Variants in TRPC5 observed in about 807,000 individuals in gnomAD.
The protein encoded by TRPC5 is transient receptor potential cation channel subfamily C member 5.
TRPC5 carries 9 observed loss-of-function variants against 56.5 expected under a neutral mutation model. The observed-to-expected ratio is 0.16, with a 90% CI of 0.10 to 0.28. TRPC5 has a LOEUF of 0.28. Ranked by LOEUF, TRPC5 falls within the 10% of genes least tolerant of loss-of-function variation. The pLI is 1.00. For missense variants in TRPC5, 469 were observed against 748.9 expected (o/e 0.63, Z 4.36); for synonymous variants, 282 against 278.5 (o/e 1.01, Z -0.13).
At chrX:111,948,673 A>C (rs1482833273) in intron 2 of TRPC5, among the ~76,000 whole-genome samples, 2 of 108,056 alleles carry the variant, frequency 1.9e-5, no homozygotes, top group African/African-American at 6.8e-5. Context: ...CGGAGGTTGC[A>C]GTGAGCCGAG....
chrX:111,876,996 C>T (rs1156415755), intron 3 of TRPC5, among the ~76,000 whole-genome samples: 1 of 111,697 alleles, frequency 9.0e-6, no homozygotes, highest in Non-Finnish European at 1.9e-5. Context: ...TTCTGTAAAA[C>T]TTCAATATTG....
chrX:111,834,909 A>G lies in TRPC5; in HGVS notation c.1896+12T>C, dbSNP rs1194843181. On this transcript the variant is annotated intron_variant, in intron 7 of 10. Transcript: ENST00000262839. ...ACCAAAGTAAGCACGCTTGTAAAGC[A>G]AAGCTACTCACGGCAATAAGCTGAT... The G allele has an allele frequency of 2.5e-6, 3 of 1,183,235 alleles. No individual in the cohort carries two copies. The highest frequency in any genetic ancestry group is 3.4e-6 in the Non-Finnish European group (3 of 878,734).
chrX:111,919,219 C>T (rs1014459771), intron 2 of TRPC5, among the ~76,000 whole-genome samples: 2 of 111,361 alleles, frequency 1.8e-5, no homozygotes, highest in Non-Finnish European at 3.8e-5. Flanking sequence ...ATGCACCAAT[C>T]GGAACTCTGT....
intron 3 of TRPC5, among the ~76,000 whole-genome samples, chrX:111,871,908 G>A (rs1336346822): frequency 8.9e-6 from 1 of 111,866 alleles, no homozygotes; most frequent in Non-Finnish European, 1.9e-5. Context: ...GGCTGTTCTT[G>A]CAGGAGTGAG....
chrX:111,771,885 A>G lies in TRPC5; in HGVS notation c.*4428T>C, dbSNP rs1173374802. ...TCATTTTGGCAATTCCTCACAGCTC[A>G]GGAAATGTCTCATTGAAAAGTTATT... On this transcript the variant is annotated 3_prime_UTR_variant, in exon 11 of 11. Coordinates refer to ENST00000262839, the MANE Select transcript of TRPC5 (RefSeq NM_012471.3). 9.0e-6 allele frequency among the ~76,000 whole-genome samples: 1 copy of G among 110,706 alleles called. No individual in the cohort carries two copies. The highest frequency in any genetic ancestry group is 1.9e-5 in the Non-Finnish European group (1 of 52,957).
intron 1 of TRPC5, among the ~76,000 whole-genome samples, chrX:112,064,891 G>A (rs1466729180): frequency 6.4e-5 from 7 of 110,122 alleles, no homozygotes; most frequent in African/African-American, 1.3e-4. Context: ...TGGCTAACAC[G>A]GTGAAACCCT....
intron 1 of TRPC5, among the ~76,000 whole-genome samples, chrX:111,966,178 C>A (rs753658969): frequency 4.5e-5 from 5 of 111,699 alleles, no homozygotes; most frequent in African/African-American, 1.6e-4. Context: ...ATACAAACTA[C>A]CATCAGAGAA....
Position 111,835,070 on chromosome X carries a change from A to G in TRPC5, c.1747T>C (p.Leu583=). The change falls in exon 7 of 11, where the codon TTA becomes CTA. Residue 583 remains leucine (L), a synonymous_variant. Coordinates refer to ENST00000262839, the MANE Select transcript of TRPC5 (RefSeq NM_012471.3). ...QSLFWSVFGL[L]NLYVTNVKAR... Reference sequence around the variant, plus strand: ...TTCACATTGGTGACATATAGATTTAAAAGGCCAAATACAGACCAGAAGAGT... The same window carrying G: ...TTCACATTGGTGACATATAGATTTAGAAGGCCAAATACAGACCAGAAGAGT... The G allele has an allele frequency of 2.5e-6, 3 of 1,211,929 alleles. No homozygotes were observed. Among genetic ancestry groups the G allele is most frequent in the Non-Finnish European group, 3.4e-6 (3 of 895,487 alleles).
intron 7 of TRPC5, among the ~76,000 whole-genome samples, chrX:111,813,079 A>G (rs1342322822): frequency 9.0e-6 from 1 of 111,685 alleles, no homozygotes; most frequent in Non-Finnish European, 1.9e-5. Flanking sequence ...GCCCTTTTCT[A>G]CTATCTGTCC....
intron 7 of TRPC5, among the ~76,000 whole-genome samples, chrX:111,810,995 T>C (rs1351973455): frequency 2.7e-5 from 3 of 112,142 alleles, no homozygotes; most frequent in Non-Finnish European, 5.6e-5. Flanking sequence ...AAAAATTATA[T>C]AACATTACAA....
At chrX:112,036,912 A>G (rs1005046598) in intron 1 of TRPC5, among the ~76,000 whole-genome samples, 2 of 111,067 alleles carry the variant, frequency 1.8e-5, no homozygotes, top group Non-Finnish European at 3.8e-5. Flanking sequence ...ACCCTTGCTT[A>G]GAGTTAGAGG....
intron 1 of TRPC5, among the ~76,000 whole-genome samples, chrX:112,044,929 C>T (rs116656647): frequency 2.3e-3 from 253 of 112,137 alleles, no homozygotes; most frequent in African/African-American, 7.9e-3. Flanking sequence ...GATTCTTGTC[C>T]CATCTGTGCC....
intron 3 of TRPC5, among the ~76,000 whole-genome samples, chrX:111,906,520 C>T (rs1319731352): frequency 9.0e-6 from 1 of 111,391 alleles, no homozygotes; most frequent in Non-Finnish European, 1.9e-5. Flanking sequence ...ACTATAACTT[C>T]GAAGTTTTTA....
intron 1 of TRPC5, among the ~76,000 whole-genome samples, chrX:111,963,918 TCTC>T (rs983872764): frequency 7.2e-5 from 8 of 111,167 alleles, no homozygotes; most frequent in African/African-American, 2.6e-4. Context: ...CCAGAGCACC[TCTC>T]CTCCTCCAAA....
intron 1 of TRPC5, among the ~76,000 whole-genome samples, chrX:112,062,078 A>G (rs1460106763): frequency 8.9e-6 from 1 of 111,992 alleles, no homozygotes; most frequent in Non-Finnish European, 1.9e-5. Flanking sequence ...TTCTAGACTT[A>G]GAATTTAATT....
chrX:111,974,629 A>G (rs148717945), intron 1 of TRPC5, among the ~76,000 whole-genome samples: 3 of 111,220 alleles, frequency 2.7e-5, no homozygotes, highest in Admixed American at 9.6e-5. Context: ...GTGCAACTTC[A>G]GAAATACAGC....
chrX:111,909,566 A>G (rs184429385), intron 3 of TRPC5, among the ~76,000 whole-genome samples: 1 of 110,535 alleles, frequency 9.0e-6, no homozygotes, highest in Admixed American at 9.8e-5. Flanking sequence ...TATTAGGTAT[A>G]TCTTACCACA....
chrX:111,856,732 C>T (rs1923245031), intron 3 of TRPC5, among the ~76,000 whole-genome samples: 1 of 103,050 alleles, frequency 9.7e-6, no homozygotes, highest in Non-Finnish European at 2.0e-5. Context: ...AGGAGAATCA[C>T]TTGAGGGCAG....
In TRPC5 at chrX:111,784,057, TGCCGAACA is replaced by T. The variant is rs759971106; in HGVS notation, c.1897-1927_1897-1920del. Among the ~76,000 whole-genome samples, 12 of 111,994 alleles carry T rather than the reference TGCCGAACA, an allele frequency of 1.1e-4. No individual in the cohort carries two copies. The South Asian group carries it at 4.5e-3, about 42-fold the overall frequency. On this transcript the variant is annotated intron_variant, in intron 7 of 10. Coordinates refer to ENST00000262839, the MANE Select transcript of TRPC5 (RefSeq NM_012471.3). ...TCTCCATTGAACTGCTTTTCCCCTT[TGCCGAACA>T]TCAGTGGGGCATGCTGGACTACTAG...
Sources: allele counts gnomAD v4.1 joint callset (sites outside exome capture counted in the v4.1 genomes callset), GRCh38; gene constraint gnomAD v4.1.1; transcripts MANE v1.5; gene names NCBI Gene and HGNC (gene_info 2026-07-23, HGNC 2026-07-21).